The following DPP10 variants were observed in gnomAD, a reference collection of about 807,000 sequenced individuals.
The protein encoded by DPP10 is dipeptidyl peptidase like 10.
DPP10 carries 33 observed loss-of-function variants against 120.9 expected under a neutral mutation model. The observed-to-expected ratio is 0.27, with a 90% CI of 0.21 to 0.37. DPP10 has a LOEUF of 0.37. DPP10 is among the 10% of genes least tolerant of loss of function. The probability of loss-of-function intolerance (pLI) is 1.00; values close to 1 mark genes in which losing one functional copy is unlikely to be tolerated. For missense variants in DPP10, 816 were observed against 942.8 expected (o/e 0.87, Z 1.76); for synonymous variants, 337 against 326.1 (o/e 1.03, Z -0.36).
chr2:115,231,790 C>T (rs1175275953), intron 1 of DPP10, among the ~76,000 whole-genome samples: 1 of 152,122 alleles, frequency 6.6e-6, no homozygotes, highest in Non-Finnish European at 1.5e-5. Flanking sequence ...CATTTCCCTC[C>T]CTCTATGCTC....
chr2:115,234,847 C>T (rs2057916934), intron 1 of DPP10, among the ~76,000 whole-genome samples: 2 of 152,062 alleles, frequency 1.3e-5, no homozygotes, highest in African/African-American at 4.8e-5. Flanking sequence ...CTTTTTGTTT[C>T]TATCACGGTC....
intron 1 of DPP10, among the ~76,000 whole-genome samples, chr2:114,494,260 A>T (rs1352084733): frequency 2.0e-5 from 3 of 152,136 alleles, no homozygotes; most frequent in African/African-American, 7.2e-5. Context: ...TCATTTATAA[A>T]ATGGGAATAA....
Position 115,778,229 on chromosome 2 carries a change from A to G in DPP10, c.1361+395A>G, listed in dbSNP as rs76769602. On this transcript the variant is annotated intron_variant, in intron 15 of 25. Coordinates refer to ENST00000410059, the MANE Select transcript of DPP10 (RefSeq NM_020868.6). ...CAGGTGAAATTTATTCTTGTACAAT[A>G]TAATGTTGTTGTGAACAGTTAGTCT... 2.3e-4 allele frequency among the ~76,000 whole-genome samples: 35 copies of G among 152,232 alleles called. No homozygotes were observed. In the East Asian group the frequency reaches 6.0e-3, roughly 26 times the overall value.
chr2:114,951,459 A>G (rs1442286701), intron 1 of DPP10, among the ~76,000 whole-genome samples: 3 of 152,134 alleles, frequency 2.0e-5, no homozygotes, highest in Admixed American at 6.5e-5. Flanking sequence ...TTAATTATAT[A>G]TGTTTAAAAA....
rs1164599123 is a variant in DPP10, at chr2:115,843,929, C to G, written c.*1584C>G. On this transcript the variant is annotated 3_prime_UTR_variant, in exon 26 of 26. Transcript: ENST00000410059. ...GAAACTTTAAAATATCAAGGAATCA[C>G]TCAGTCACCCTCCTGTTTTGTTGAA... is the stretch of plus-strand genomic sequence containing the variant. 6.6e-6 allele frequency: 1 copy of G among 152,560 alleles called. No homozygotes were observed. The highest frequency in any genetic ancestry group is 1.5e-5 in the Non-Finnish European group (1 of 68,002). 9.5% of individuals were successfully genotyped at this position (152,560 alleles called of 1,614,324 possible).
chr2:114,675,393 G>A (rs1351167681), intron 1 of DPP10, among the ~76,000 whole-genome samples: 1 of 152,112 alleles, frequency 6.6e-6, no homozygotes, highest in Non-Finnish European at 1.5e-5. Flanking sequence ...TTGATAAATT[G>A]TCAGTCAATT....
At chr2:115,731,913 C>T (rs2092920410) in intron 8 of DPP10, among the ~76,000 whole-genome samples, 1 of 152,112 alleles carries the variant, frequency 6.6e-6, no homozygotes, top group African/African-American at 2.4e-5. Context: ...TGACTGCTAC[C>T]CCCAACCTCT....
chr2:115,498,303 T>A (rs986406296), intron 3 of DPP10, among the ~76,000 whole-genome samples: 4 of 152,156 alleles, frequency 2.6e-5, no homozygotes, highest in East Asian at 1.9e-4. Flanking sequence ...TTGCTTCTTG[T>A]CATATAAATT....
At chr2:114,570,094 C>T (rs1689508672) in intron 1 of DPP10, among the ~76,000 whole-genome samples, 1 of 152,120 alleles carries the variant, frequency 6.6e-6, no homozygotes, top group South Asian at 2.1e-4. Flanking sequence ...TTGTCTCCTT[C>T]TCTTCTTTCC....
At chr2:115,684,852 G>T (rs1254901427) in intron 5 of DPP10, among the ~76,000 whole-genome samples, 1 of 151,884 alleles carries the variant, frequency 6.6e-6, no homozygotes, top group Non-Finnish European at 1.5e-5. Flanking sequence ...TTTCCAAAAT[G>T]AAATCTCTCT....
chr2:114,621,521 A>G (rs1694088856), intron 1 of DPP10, among the ~76,000 whole-genome samples: 1 of 152,066 alleles, frequency 6.6e-6, no homozygotes, highest in African/African-American at 2.4e-5. Context: ...CCCAAAGTCT[A>G]ACCTCTTAAT....
At chr2:115,447,327 C>G (rs772388245) in intron 3 of DPP10, among the ~76,000 whole-genome samples, 1 of 152,056 alleles carries the variant, frequency 6.6e-6, no homozygotes, top group Non-Finnish European at 1.5e-5. Context: ...TGCTCATAGG[C>G]GGAAGGGACT....
chr2:115,254,351 C>G (rs1038873934), intron 1 of DPP10, among the ~76,000 whole-genome samples: 1 of 151,968 alleles, frequency 6.6e-6, no homozygotes, highest in Non-Finnish European at 1.5e-5. Flanking sequence ...GGGGAGTGAC[C>G]CCCCATGATT....
intron 5 of DPP10, chr2:115,579,056 AAATGTT>A (rs2149118869): frequency 6.6e-6 from 1 of 152,336 alleles, no homozygotes; most frequent in Non-Finnish European, 1.5e-5. Flanking sequence ...AGCATTTTAT[AAATGTT>A]AACTTATTTC....
intron 1 of DPP10, among the ~76,000 whole-genome samples, chr2:114,687,197 T>G (rs1166984153): frequency 1.3e-5 from 2 of 151,912 alleles, no homozygotes; most frequent in Non-Finnish European, 2.9e-5. Context: ...TCCAGTTGAG[T>G]CACCATTGCT....
intron 1 of DPP10, among the ~76,000 whole-genome samples, chr2:114,894,392 G>T (rs909821214): frequency 6.6e-6 from 1 of 152,134 alleles, no homozygotes; most frequent in Non-Finnish European, 1.5e-5. Flanking sequence ...GGAGGTTGAG[G>T]ATGAAAATTT....
rs560620335 is a variant in DPP10, at chr2:114,625,702, A to T, written c.60+182864A>T. 2.3e-4 allele frequency among the ~76,000 whole-genome samples: 35 copies of T among 152,156 alleles called. No homozygotes were observed. In the South Asian group the frequency reaches 7.1e-3, roughly 31 times the overall value. On this transcript the variant is annotated intron_variant, in intron 1 of 25. Coordinates refer to ENST00000410059, the MANE Select transcript of DPP10 (RefSeq NM_020868.6). ...TGAATAAATTGAGAAATATCTGAGA[A>T]CACCAAGCTTACTAGAGCTCAGATA...
chr2:114,866,199 A>G (rs1690220756), intron 1 of DPP10, among the ~76,000 whole-genome samples: 1 of 152,012 alleles, frequency 6.6e-6, no homozygotes, highest in Non-Finnish European at 1.5e-5. Flanking sequence ...AATCATGATA[A>G]GAAAGAATGA....
chr2:114,584,927 G>A (rs1027197145), intron 1 of DPP10, among the ~76,000 whole-genome samples: 2 of 152,166 alleles, frequency 1.3e-5, no homozygotes, highest in African/African-American at 4.8e-5. Context: ...TGAGCTAGAA[G>A]CCCATCAGGA....
Sources: allele counts gnomAD v4.1 joint callset (sites outside exome capture counted in the v4.1 genomes callset), GRCh38; gene constraint gnomAD v4.1.1; transcripts MANE v1.5; gene names NCBI Gene and HGNC (gene_info 2026-07-23, HGNC 2026-07-21).